The following TXNL4A variants were observed in gnomAD, a reference collection of about 807,000 sequenced individuals.
The protein encoded by TXNL4A is thioredoxin like 4A.
Under a neutral mutation model 14.6 loss-of-function variants are expected in TXNL4A, and 17 were observed. The ratio of observed to expected loss-of-function variants is 1.16; its 90% CI spans 0.80 to 1.74. The LOEUF is 1.74. Among genes scored for constraint, TXNL4A ranks in the 40% most tolerant of loss-of-function variants. The pLI, the probability that TXNL4A is intolerant of heterozygous loss-of-function variation, is 0.00. For missense variants in TXNL4A, 74 were observed against 195.2 expected (o/e 0.38, Z 3.70); for synonymous variants, 83 against 70.6 (o/e 1.18, Z -0.88).
intron 1 of TXNL4A, among the ~76,000 whole-genome samples, chr18:80,025,801 A>T (rs1470799518): frequency 2.0e-5 from 3 of 152,206 alleles, no homozygotes; most frequent in Admixed American, 2.0e-4. Flanking sequence ...GAAAAAGCAC[A>T]ATGGTCAGAC....
At chr18:80,024,753 C>G (rs967753927) in intron 1 of TXNL4A, among the ~76,000 whole-genome samples, 2 of 152,184 alleles carry the variant, frequency 1.3e-5, no homozygotes, top group African/African-American at 4.8e-5. Flanking sequence ...AAGGAACCGA[C>G]CCGTCCTGCA....
intron 1 of TXNL4A, among the ~76,000 whole-genome samples, chr18:79,996,149 G>T (rs1413362401): frequency 2.7e-5 from 4 of 150,326 alleles, no homozygotes; most frequent in African/African-American, 9.8e-5. Flanking sequence ...GCTTAAGAGG[G>T]ATTGCATTAG....
At chr18:80,020,020 G>A (rs2051837891) in intron 1 of TXNL4A, among the ~76,000 whole-genome samples, 1 of 152,106 alleles carries the variant, frequency 6.6e-6, no homozygotes, top group Non-Finnish European at 1.5e-5. Flanking sequence ...TTGTGTTGTG[G>A]GAGGAACCCG....
chr18:79,978,079 C>T (rs1395634146), intron 1 of TXNL4A, among the ~76,000 whole-genome samples: 8 of 152,188 alleles, frequency 5.3e-5, no homozygotes, highest in Non-Finnish European at 7.3e-5. Context: ...TTCCGCCTCA[C>T]GCCACCGTTT....
At chr18:80,014,525 C>A (rs569879630) in intron 1 of TXNL4A, among the ~76,000 whole-genome samples, 1 of 152,232 alleles carries the variant, frequency 6.6e-6, no homozygotes, top group Non-Finnish European at 1.5e-5. Context: ...CCAGGTCACA[C>A]TGATGCAAGA....
At position 79,972,130 on chromosome 18, in the gene TXNL4A, TC is replaced by T. The variant is rs2051308663; in HGVS notation, c.*1554del. On this transcript the variant is annotated 3_prime_UTR_variant, in exon 3 of 3. Coordinates refer to ENST00000269601, the MANE Select transcript of TXNL4A (RefSeq NM_006701.5). The stretch of plus-strand genomic sequence containing the variant: ...CCCGTTTCCACAACAGCAATCAATC[TC>T]CCGACAGCAGCGAGCCCTGTGCACC... The T allele has an allele frequency of 6.6e-6, 1 of 152,244 alleles. No individual in the cohort carries two copies. The highest frequency in any genetic ancestry group is 1.5e-5 in the Non-Finnish European group (1 of 68,080). The allele number at this position is 152,244 out of a possible 1,614,324, so 9.4% of individuals were successfully genotyped here.
chr18:79,977,718 A>C lies in TXNL4A; in HGVS notation c.154-17T>G. On this transcript the variant is annotated splice_polypyrimidine_tract_variant and intron_variant, in intron 1 of 2. Coordinates refer to ENST00000269601, the MANE Select transcript of TXNL4A (RefSeq NM_006701.5). ...ATTTTTAACCTAAAAGGAGATTAAA[A>C]AAAAAAACTGAAATAACAGAACACT... 3 of 1,419,898 alleles carry C rather than the reference A, an allele frequency of 2.1e-6. No homozygotes were observed. The highest frequency in any genetic ancestry group is 2.9e-6 in the Non-Finnish European group (3 of 1,025,102). 88.0% of individuals were successfully genotyped at this position (1,419,898 alleles called of 1,614,324 possible).
At chr18:79,975,916 C>T (rs111439808) in intron 2 of TXNL4A, among the ~76,000 whole-genome samples, 73 of 152,150 alleles carry the variant, frequency 4.8e-4, no homozygotes, top group African/African-American at 1.6e-3. Flanking sequence ...CTCCGGATGG[C>T]CAAAGGGGCT....
chr18:79,994,033 A>G (rs539551668), intron 1 of TXNL4A, among the ~76,000 whole-genome samples: 3 of 152,302 alleles, frequency 2.0e-5, no homozygotes, highest in African/African-American at 7.2e-5. Context: ...GTTGAATCCG[A>G]AGGGGAACTT....
Position 79,988,226 on chromosome 18 carries a change from G to C in TXNL4A, c.153+14C>G, listed in dbSNP as rs572276922. ...GAAGCACAGCCCGCAGAGCGGGAGA[G>C]TCCGGCGCGCTACCTTCTCGGCGAT... On this transcript the variant is annotated intron_variant, in intron 1 of 2. Coordinates refer to ENST00000269601, the MANE Select transcript of TXNL4A (RefSeq NM_006701.5). 1.3e-6 allele frequency: 2 copies of C among 1,511,768 alleles called. No individual in the cohort carries two copies. Among genetic ancestry groups the C allele is most frequent in the South Asian group, 1.2e-5 (1 of 80,830 alleles). The allele number at this position is 1,511,768 out of a possible 1,614,324, so 93.6% of individuals were successfully genotyped here. A position where few individuals can be genotyped will look rare whatever the true frequency, so the allele number is the denominator to read the frequency against.
At chr18:80,005,556 G>A (rs1461048205) in intron 1 of TXNL4A, among the ~76,000 whole-genome samples, 1 of 152,204 alleles carries the variant, frequency 6.6e-6, no homozygotes, top group Non-Finnish European at 1.5e-5. Flanking sequence ...AAATGAATAT[G>A]GAAAATAGTT....
At chr18:80,003,224 T>C (rs1408060402) in intron 1 of TXNL4A, among the ~76,000 whole-genome samples, 1 of 152,234 alleles carries the variant, frequency 6.6e-6, no homozygotes, top group South Asian at 2.1e-4. Flanking sequence ...AGGATGTCCA[T>C]CCAGCTGGCT....
At chr18:79,991,045 T>C (rs1042054063), upstream of TXNL4A, among the ~76,000 whole-genome samples, 1 of 150,126 alleles carries the variant, frequency 6.7e-6, no homozygotes, top group Non-Finnish European at 1.5e-5. Flanking sequence ...GAGGCGGAGC[T>C]TGCAGTGAGC....
intron 1 of TXNL4A, among the ~76,000 whole-genome samples, chr18:80,009,443 C>T (rs1206580289): frequency 6.6e-6 from 1 of 152,152 alleles, no homozygotes; most frequent in Non-Finnish European, 1.5e-5. Context: ...TGTTGGGAGG[C>T]CCCTGCCTGT....
At chr18:80,023,080 A>C (rs1357010360) in intron 1 of TXNL4A, among the ~76,000 whole-genome samples, 1 of 152,196 alleles carries the variant, frequency 6.6e-6, no homozygotes, top group Admixed American at 6.5e-5. Flanking sequence ...TTGGAATCCC[A>C]CAGAATGGGA....
intron 1 of TXNL4A, among the ~76,000 whole-genome samples, chr18:80,012,541 T>C (rs2051776777): frequency 1.3e-5 from 2 of 152,186 alleles, no homozygotes; most frequent in African/African-American, 4.8e-5. Context: ...GATGGTTTTA[T>C]GTTGTGGTTC....
intron 1 of TXNL4A, among the ~76,000 whole-genome samples, chr18:80,030,166 T>G (rs1449469621): frequency 2.0e-5 from 3 of 152,170 alleles, no homozygotes; most frequent in Non-Finnish European, 2.9e-5. Context: ...ACATTGACCT[T>G]CAACCCAGGA....
chr18:79,981,888 C>A (rs894432881), intron 1 of TXNL4A, among the ~76,000 whole-genome samples: 1 of 152,212 alleles, frequency 6.6e-6, no homozygotes, highest in Non-Finnish European at 1.5e-5. Context: ...TGAGAATCCA[C>A]CATGTATGAG....
intron 1 of TXNL4A, among the ~76,000 whole-genome samples, chr18:79,983,707 T>A (rs1394626554): frequency 6.6e-6 from 1 of 152,250 alleles, no homozygotes; most frequent in Non-Finnish European, 1.5e-5. Flanking sequence ...CTTAATCAGC[T>A]CTCACAATAA....
Sources: allele counts gnomAD v4.1 joint callset (sites outside exome capture counted in the v4.1 genomes callset), GRCh38; gene constraint gnomAD v4.1.1; transcripts MANE v1.5; gene names NCBI Gene and HGNC (gene_info 2026-07-23, HGNC 2026-07-21).